GIGYF2: variants seen among roughly 807,000 people sequenced by gnomAD.
The protein encoded by GIGYF2 is GRB10 interacting GYF protein 2.
In GIGYF2, 25 loss-of-function variants were observed where a neutral mutation model predicts 208.1. That is an observed-to-expected ratio of 0.12 (90% CI 0.09 to 0.17). GIGYF2 has a LOEUF of 0.17. Among genes scored for constraint, GIGYF2 ranks in the 10% least tolerant of loss-of-function variants. GIGYF2 has a pLI of 1.00. For synonymous variants in GIGYF2, 534 were observed against 543.8 expected, an observed-to-expected ratio of 0.98 and a Z score of 0.25; for missense variants, 1,302 against 1,579.4, an observed-to-expected ratio of 0.82 and a Z score of 2.98.
rs1418486136 is a variant in GIGYF2 at position 232,796,073 on chromosome 2, A to G, written c.1491A>G (p.Lys497=). 3 of 1,611,566 alleles carry G rather than the reference A, an allele frequency of 1.9e-6. No individual in the cohort carries two copies. Among genetic ancestry groups the G allele is most frequent in the African/African-American group, 2.7e-5 (2 of 74,860 alleles). ...TTTTCTGTTACTAGCAAGCTGAGAA[A>G]ATGGTGGCTTATCTCCAAGACAGTG... ...GLKHLEQQAE[K]MVAYLQDSAL... The change falls in exon 14 of 29, where the codon AAA becomes AAG. Residue 497 remains lysine, a synonymous_variant. Coordinates refer to ENST00000373563, the MANE Select transcript of GIGYF2 (RefSeq NM_001103146.3).
chr2:232,836,309 TATA>T (rs1701614070), intron 22 of GIGYF2, among the ~76,000 whole-genome samples: 7 of 20,308 alleles, frequency 3.4e-4, no homozygotes, highest in East Asian at 8.5e-4. Context: ...TATATATATA[TATA>T]TATATATATA....
intron 8 of GIGYF2, among the ~76,000 whole-genome samples, chr2:232,775,520 A>G (rs922854814): frequency 1.3e-5 from 2 of 152,172 alleles, no homozygotes; most frequent in Admixed American, 6.6e-5. Context: ...CTGATATTTA[A>G]GTCTCATCAG....
rs571757242 is a variant in GIGYF2, at chr2:232,848,357, G to A, written c.3684+786G>A. Among the ~76,000 whole-genome samples the A allele has an allele frequency of 5.3e-5, 8 of 152,204 alleles. No individual in the cohort carries two copies. The South Asian group carries it at 1.5e-3, about 28-fold the overall frequency. On this transcript the variant is annotated intron_variant, in intron 27 of 28. Transcript: ENST00000373563. The stretch of plus-strand genomic sequence containing the variant: ...ATAGTTGAGGGCCACTTTACACAGC[G>A]AAATCTGGTGGCTCATGTCCGTAAT...
intron 8 of GIGYF2, chr2:232,766,827 G>T (rs560074051): frequency 1.3e-5 from 2 of 152,226 alleles, no homozygotes; most frequent in South Asian, 4.2e-4. Flanking sequence ...TTCCTGCCTA[G>T]GTCATCACCA....
intron 5 of GIGYF2, 122 bp downstream of exon 5, chr2:232,749,204 A>G (rs1015336154): frequency 7.9e-5 from 59 of 743,296 alleles, no homozygotes; most frequent in East Asian, 4.8e-4. Context: ...GCTTTCTTCT[A>G]TTTCTTGGTA....
chr2:232,739,964 A>G (rs1464123919), intron 3 of GIGYF2, among the ~76,000 whole-genome samples: 1 of 134,006 alleles, frequency 7.5e-6, no homozygotes, highest in East Asian at 2.2e-4. Context: ...AAAAAATTAC[A>G]AAAATTAGCT....
At chr2:232,788,578 A>C (rs1323790306) in intron 9 of GIGYF2, 1 of 470,852 alleles carries the variant, frequency 2.1e-6, no homozygotes, top group Non-Finnish European at 4.4e-6. Context: ...CCAGCTGGTC[A>C]AAAACAAACA....
At chr2:232,728,572 A>G (rs1210528945) in intron 2 of GIGYF2, among the ~76,000 whole-genome samples, 1 of 152,182 alleles carries the variant, frequency 6.6e-6, no homozygotes, top group Non-Finnish European at 1.5e-5. Context: ...CCTTGATGAT[A>G]TGATCAGTCA....
In GIGYF2 at chr2:232,768,617, C is replaced by T. The variant is rs754717532; in HGVS notation, c.532+7181C>T. 6.2e-7 allele frequency: 1 copy of T among 1,614,120 alleles called. No homozygotes were observed. Among genetic ancestry groups the T allele is most frequent in the South Asian group, 1.1e-5 (1 of 91,072 alleles). On this transcript the variant is annotated intron_variant, in intron 8 of 28. Coordinates refer to ENST00000373563, the MANE Select transcript of GIGYF2 (RefSeq NM_001103146.3). ...CATCAAGGTGGAAATCCACACTGGT[C>T]TGGTAGAGTTTGCCATTTTCTCTTT...
chr2:232,827,616 C>T (rs889505887), intron 21 of GIGYF2, among the ~76,000 whole-genome samples: 2 of 152,068 alleles, frequency 1.3e-5, no homozygotes, highest in African/African-American at 4.8e-5. Flanking sequence ...GTTTGTGTTC[C>T]GTTTATCAGT....
rs532043701 is a variant in GIGYF2 at position 232,800,478 on chromosome 2, A to G, written c.1639+4257A>G. 4.6e-5 allele frequency among the ~76,000 whole-genome samples: 7 copies of G among 151,692 alleles called. No homozygotes were observed. In the East Asian group the frequency reaches 1.2e-3, roughly 25 times the overall value. Reference sequence around the variant, plus strand: ...GCCCTCTGTTCTATTTTATTGTTCTATATGTCTGTCTTTATATTGGCATTA... The same window carrying G: ...GCCCTCTGTTCTATTTTATTGTTCTGTATGTCTGTCTTTATATTGGCATTA... On this transcript the variant is annotated intron_variant, in intron 14 of 28. Transcript: ENST00000373563.
At chr2:232,698,021 C>G (rs4144795) in intron 1 of GIGYF2, among the ~76,000 whole-genome samples, 104,585 of 152,064 alleles carry the variant, frequency 0.69, 36,325 homozygotes, top group East Asian at 0.88. Context: ...GGCTGGGAAA[C>G]TAGAGCCCAT....
At chr2:232,734,958 G>C (rs1293045463) in intron 2 of GIGYF2, among the ~76,000 whole-genome samples, 197 bp from the exon 3 acceptor site, 1 of 152,104 alleles carries the variant, frequency 6.6e-6, no homozygotes, top group Non-Finnish European at 1.5e-5. Flanking sequence ...GAAAGGTGGG[G>C]AGTCAGAATA....
chr2:232,756,197 C>CTTTTTTTTTTTTTTTTTTTTTTTTTTCTT, intron 5 of GIGYF2, 26 bp from the exon 6 acceptor site: 1 of 709,936 alleles, frequency 1.4e-6, no homozygotes, highest in Non-Finnish European at 2.2e-6. Context: ...TCCTTTTTCT[C>CTTTTTTTTTTTTTTTTTTTTTTTTTTCTT]TTTTTTTTTT....
Position 232,858,355 on chromosome 2 carries a change from C to A in GIGYF2, c.*1495C>A. On this transcript the variant is annotated 3_prime_UTR_variant, in exon 29 of 29. Transcript: ENST00000373563. ...TTTATTATTTTGGATCACCATTCTC[C>A]CTATCCCTTCTTGCCTCCCTCCCTT... 4.9e-6 allele frequency: 2 copies of A among 407,842 alleles called. No homozygotes were observed. The highest frequency in any genetic ancestry group is 1.8e-5 in the South Asian group (1 of 56,182). The allele number at this position is 407,842 out of a possible 1,614,324, so 25.3% of individuals were successfully genotyped here. A position where few individuals can be genotyped will look rare whatever the true frequency, so the allele number is the denominator to read the frequency against.
intron 14 of GIGYF2, among the ~76,000 whole-genome samples, chr2:232,802,055 T>C (rs1301146284): frequency 2.0e-5 from 3 of 152,222 alleles, no homozygotes; most frequent in African/African-American, 7.2e-5. Context: ...TTTCTAATTT[T>C]CTTTTCAGAT....
At chr2:232,845,665 G>T in intron 25 of GIGYF2, 67 bp from the exon 26 acceptor site, 2 of 1,306,786 alleles carry the variant, frequency 1.5e-6, no homozygotes, top group African/African-American at 1.4e-5. Context: ...ATTATTTATG[G>T]TGTTGTACTA....
At chr2:232,754,374 G>T (rs531206189) in intron 5 of GIGYF2, among the ~76,000 whole-genome samples, 1 of 152,244 alleles carries the variant, frequency 6.6e-6, no homozygotes, top group Admixed American at 6.5e-5. Context: ...TAGAATTGTT[G>T]TGTCAAAGGG....
chr2:232,697,452 G>C (rs913879159), intron 1 of GIGYF2, 60 bp downstream of exon 1: 1 of 153,568 alleles, frequency 6.5e-6, no homozygotes, highest in Non-Finnish European at 1.4e-5. Context: ...CGGCCCCGCC[G>C]CCGCGTCCCG....
Sources: gnomAD v4.1 joint callset for allele counts (sites outside exome capture counted in the v4.1 genomes callset) on GRCh38, gnomAD v4.1.1 for gene constraint, MANE v1.5 for transcripts, NCBI Gene and HGNC (gene_info 2026-07-23, HGNC 2026-07-21) for gene names.